The following NLGN1 variants were observed in gnomAD, a reference collection of about 807,000 sequenced individuals.
NLGN1 encodes neuroligin-1.
In NLGN1, 12 loss-of-function variants were observed where a neutral mutation model predicts 65.5. The observed-to-expected ratio is 0.18, with a 90% CI of 0.12 to 0.30. The LOEUF is 0.30. Among genes scored for constraint, NLGN1 ranks in the 10% least tolerant of loss-of-function variants. NLGN1 has a pLI of 1.00. For synonymous variants in NLGN1, 350 were observed against 359.5 expected, an observed-to-expected ratio of 0.97 and a Z score of 0.30; for missense variants, 750 against 1,007.1, an observed-to-expected ratio of 0.74 and a Z score of 3.46.
intron 4 of NLGN1, among the ~76,000 whole-genome samples, chr3:174,053,324 A>T (rs1219063736): frequency 6.6e-6 from 1 of 151,996 alleles, no homozygotes; most frequent in African/African-American, 2.4e-5. Flanking sequence ...GTATTCTGTA[A>T]ACTGTAGGAC....
At chr3:173,474,333 A>C (rs763913614) in intron 2 of NLGN1, among the ~76,000 whole-genome samples, 3 of 152,186 alleles carry the variant, frequency 2.0e-5, no homozygotes, top group Non-Finnish European at 4.4e-5. Flanking sequence ...TTAACAAACA[A>C]TACTGAAATT....
At chr3:173,715,721 T>A (rs1271584159) in intron 3 of NLGN1, among the ~76,000 whole-genome samples, 1 of 152,158 alleles carries the variant, frequency 6.6e-6, no homozygotes, top group East Asian at 1.9e-4. Flanking sequence ...TTTTAAGCTA[T>A]TTTCCAGATA....
At chr3:173,905,151 T>G (rs1265150094) in intron 4 of NLGN1, among the ~76,000 whole-genome samples, 1 of 152,208 alleles carries the variant, frequency 6.6e-6, no homozygotes, top group Non-Finnish European at 1.5e-5. Flanking sequence ...CTTTCCCATG[T>G]GGACTATCGC....
chr3:174,247,975 A>G (rs977280260), intron 4 of NLGN1, among the ~76,000 whole-genome samples: 25 of 152,222 alleles, frequency 1.6e-4, no homozygotes, highest in Non-Finnish European at 4.4e-5. Context: ...TCTGTATTCA[A>G]AAAATAAGCA....
chr3:174,138,053 T>A (rs1223461581), intron 4 of NLGN1, among the ~76,000 whole-genome samples: 2 of 152,214 alleles, frequency 1.3e-5, no homozygotes, highest in African/African-American at 4.8e-5. Flanking sequence ...ATTCTGTTTG[T>A]TATTCTATAA....
At chr3:174,160,063 A>C (rs1726206119) in intron 4 of NLGN1, among the ~76,000 whole-genome samples, 1 of 151,532 alleles carries the variant, frequency 6.6e-6, no homozygotes. Context: ...TTTTCCTTTT[A>C]TTCATCTCTA....
At position 174,054,495 on chromosome 3, in the gene NLGN1, C is replaced by T. The variant is rs193242552; in HGVS notation, c.647-220820C>T. On this transcript the variant is annotated intron_variant, in intron 4 of 6. Transcript: ENST00000457714. ...ACATAACCCTTCATTATCTGATCCT[C>T]TCTTTATTCTCTATTTTAGTTTCTT... 2.7e-3 allele frequency among the ~76,000 whole-genome samples: 405 copies of T among 152,082 alleles called. 2 individuals carry two copies. The highest frequency in any genetic ancestry group is 9.3e-3 in the African/African-American group (387 of 41,522).
chr3:174,115,029 T>A (rs1235361129), intron 4 of NLGN1, among the ~76,000 whole-genome samples: 3 of 152,340 alleles, frequency 2.0e-5, no homozygotes, highest in African/African-American at 7.2e-5. Context: ...ATATCTTTAC[T>A]GCCTGGTTAA....
At chr3:174,242,638 C>T (rs1352159585) in intron 4 of NLGN1, among the ~76,000 whole-genome samples, 1 of 152,050 alleles carries the variant, frequency 6.6e-6, no homozygotes, top group East Asian at 1.9e-4. Context: ...GTCACTGTCT[C>T]CCATCTCTGC....
chr3:174,281,650 A>C, exon 7 of NLGN1: 1 of 196,728 alleles, frequency 5.1e-6, no homozygotes, highest in Middle Eastern at 2.2e-3. Flanking sequence ...TAAAAAAACA[A>C]CTATGAATAT....
intron 3 of NLGN1, among the ~76,000 whole-genome samples, chr3:173,696,208 G>C (rs546349232): frequency 1.9e-4 from 29 of 152,312 alleles, no homozygotes; most frequent in African/African-American, 7.0e-4. Context: ...CAAGAAAAGA[G>C]TGAACAATAT....
At chr3:174,275,368 C>A in exon 5 of NLGN1, 1 of 1,612,632 alleles carries the variant, frequency 6.2e-7, no homozygotes. Context: ...ACTCCTTGAT[C>A]TCATACAAGC....
intron 2 of NLGN1, among the ~76,000 whole-genome samples, chr3:173,494,434 A>T (rs1055910402): frequency 6.6e-6 from 1 of 151,506 alleles, no homozygotes; most frequent in Non-Finnish European, 1.5e-5. Context: ...TATATCATAG[A>T]TACTAACCCT....
chr3:174,265,120 T>C (rs9840570), intron 4 of NLGN1, among the ~76,000 whole-genome samples: 25,558 of 148,568 alleles, frequency 0.17, 2,513 homozygotes, highest in East Asian at 0.5. Flanking sequence ...GCAGAGGTTA[T>C]TGCTGTCTTT....
At chr3:174,169,312 G>A (rs1223243053) in intron 4 of NLGN1, among the ~76,000 whole-genome samples, 1 of 152,086 alleles carries the variant, frequency 6.6e-6, no homozygotes, top group Non-Finnish European at 1.5e-5. Flanking sequence ...GATCAGAGAG[G>A]ACCTTGATGC....
At chr3:174,050,560 T>C (rs1734601006) in intron 4 of NLGN1, among the ~76,000 whole-genome samples, 1 of 152,106 alleles carries the variant, frequency 6.6e-6, no homozygotes, top group South Asian at 2.1e-4. Flanking sequence ...GTACATCGCT[T>C]AGCATAAACT....
intron 4 of NLGN1, among the ~76,000 whole-genome samples, chr3:174,172,100 T>C (rs1474371356): frequency 6.6e-6 from 1 of 152,094 alleles, no homozygotes; most frequent in African/African-American, 2.4e-5. Context: ...TGAAGTTCTC[T>C]TGATGTTTTT....
At chr3:174,161,740 T>C (rs546768979) in intron 4 of NLGN1, among the ~76,000 whole-genome samples, 2 of 152,038 alleles carry the variant, frequency 1.3e-5, no homozygotes, top group East Asian at 3.9e-4. Context: ...GTTGCAGTGA[T>C]CTGGTAAGTT....
chr3:174,009,674 G>T (rs551596640), intron 4 of NLGN1, among the ~76,000 whole-genome samples: 1 of 151,974 alleles, frequency 6.6e-6, no homozygotes, highest in Non-Finnish European at 1.5e-5. Flanking sequence ...GATGAGTGGC[G>T]GTAGAATTTC....
Sources: gnomAD v4.1 joint callset for allele counts (sites outside exome capture counted in the v4.1 genomes callset) on GRCh38, gnomAD v4.1.1 for gene constraint, MANE v1.5 for transcripts, NCBI Gene and HGNC (gene_info 2026-07-23, HGNC 2026-07-21) for gene names.